Variants in CDC20B observed in about 807,000 individuals in gnomAD.
The protein encoded by CDC20B is cell division cycle protein 20 homolog B.
Under a neutral mutation model 64.1 loss-of-function variants are expected in CDC20B, and 58 were observed. The observed-to-expected ratio is 0.90, with a 90% CI of 0.73 to 1.13. The LOEUF is 1.13. Ranked by LOEUF, CDC20B falls within the 50% of genes most tolerant of loss-of-function variation. The pLI, the probability that CDC20B is intolerant of heterozygous loss-of-function variation, is 0.00. For synonymous variants in CDC20B, 243 were observed against 230.6 expected (o/e 1.05, Z -0.49); for missense variants, 597 against 633.0 (o/e 0.94, Z 0.61).
chr5:55,133,940 A>G (rs1743092024), intron 5 of CDC20B, among the ~76,000 whole-genome samples: 1 of 152,162 alleles, frequency 6.6e-6, no homozygotes, highest in Admixed American at 6.5e-5. Flanking sequence ...TTCATCAATA[A>G]ATATTTATTG....
chr5:55,137,578 G>A (rs1463740803), intron 5 of CDC20B: 3 of 456,574 alleles, frequency 6.6e-6, no homozygotes, highest in Admixed American at 4.7e-5. Flanking sequence ...CTCTCAATTA[G>A]TCTTTGCCAC....
At position 55,128,580 on chromosome 5, in the gene CDC20B, A is replaced by G. The variant is rs762756335; in HGVS notation, c.735T>C (p.Val245=). ...ATACAGCAGAGCCCAGGGCTATGGC[A>G]ACAAGATTCTGAAAACTCCAATCTA... The part of the protein sequence containing the change: ...NILDWSFQNL[V]AIALGSAVYI... The change falls in exon 7 of 12, where the codon GTT becomes GTC. Residue 245 remains valine, a synonymous_variant. Coordinates refer to ENST00000381375, the MANE Select transcript of CDC20B (RefSeq NM_001170402.1). 20 of 1,574,326 alleles carry G rather than the reference A, an allele frequency of 1.3e-5. No individual in the cohort carries two copies. Among genetic ancestry groups the G allele is most frequent in the Non-Finnish European group, 1.5e-5 (17 of 1,169,874 alleles).
chr5:55,172,925 G>A lies in CDC20B; in HGVS notation c.63+13C>T. The A allele has an allele frequency of 1.3e-6, 2 of 1,595,892 alleles. No individual in the cohort carries two copies. Among genetic ancestry groups the A allele is most frequent in the Non-Finnish European group, 1.7e-6 (2 of 1,170,750 alleles). Reference sequence around the variant, plus strand: ...AGAGAGTTAGGGAGAATGCAGAAAAGGGTGTTACTCACCCACAGCATCTCC... The same window carrying A: ...AGAGAGTTAGGGAGAATGCAGAAAAAGGTGTTACTCACCCACAGCATCTCC... On this transcript the variant is annotated intron_variant, in intron 1 of 11. Coordinates refer to ENST00000381375, the MANE Select transcript of CDC20B (RefSeq NM_001170402.1).
intron 5 of CDC20B, among the ~76,000 whole-genome samples, chr5:55,138,731 G>GT (rs1743250704): frequency 7.2e-6 from 1 of 138,678 alleles, no homozygotes; most frequent in Non-Finnish European, 1.6e-5. Context: ...ACAGGATGCT[G>GT]TAAAAAAAAA....
At chr5:55,154,903 C>A (rs1256165203) in intron 2 of CDC20B, among the ~76,000 whole-genome samples, 1 of 152,102 alleles carries the variant, frequency 6.6e-6, no homozygotes. Flanking sequence ...AAACGATATA[C>A]AGATATGGCA....
chr5:55,167,416 T>TA (rs1397601468), intron 2 of CDC20B, among the ~76,000 whole-genome samples: 1 of 152,206 alleles, frequency 6.6e-6, no homozygotes, highest in Non-Finnish European at 1.5e-5. Context: ...AGCATATATA[T>TA]AATGGTGGCT....
intron 10 of CDC20B, 100 bp downstream of exon 10, chr5:55,120,325 A>G (rs1742725523): frequency 2.2e-6 from 3 of 1,371,998 alleles, no homozygotes; most frequent in Non-Finnish European, 3.1e-6. Flanking sequence ...TGGACTCAAT[A>G]GAGAAAGAGA....
chr5:55,139,925 G>A (rs1041859228), intron 5 of CDC20B, among the ~76,000 whole-genome samples: 4 of 152,138 alleles, frequency 2.6e-5, no homozygotes, highest in Non-Finnish European at 5.9e-5. Flanking sequence ...TACTCAGGGA[G>A]CTGAGGCATG....
intron 6 of CDC20B, among the ~76,000 whole-genome samples, chr5:55,131,120 GAAAACCTCCCTC>G (rs1406415009): frequency 1.3e-5 from 2 of 151,960 alleles, no homozygotes; most frequent in East Asian, 1.9e-4. Flanking sequence ...GTGACAGAGT[GAAAACCTCCCTC>G]AAAACCTCCC....
intron 6 of CDC20B, among the ~76,000 whole-genome samples, chr5:55,130,659 G>T (rs1459299389): frequency 6.6e-6 from 1 of 152,202 alleles, no homozygotes; most frequent in Non-Finnish European, 1.5e-5. Flanking sequence ...TCAGGCTAAA[G>T]GGACAATATA....
chr5:55,143,931 G>A (rs1743401118), intron 3 of CDC20B, among the ~76,000 whole-genome samples: 3 of 151,424 alleles, frequency 2.0e-5, no homozygotes, highest in Non-Finnish European at 1.5e-5. Context: ...GGGAAGAGGT[G>A]CCAAGATTAA....
At chr5:55,162,934 A>G (rs899035926) in intron 2 of CDC20B, among the ~76,000 whole-genome samples, 1 of 152,148 alleles carries the variant, frequency 6.6e-6, no homozygotes, top group African/African-American at 2.4e-5. Context: ...CCGTATATCA[A>G]TCCTGGCTCA....
chr5:55,141,564 G>A (rs1022474995), intron 4 of CDC20B, among the ~76,000 whole-genome samples: 2 of 152,138 alleles, frequency 1.3e-5, no homozygotes, highest in African/African-American at 4.8e-5. Context: ...ACTGAGTCAC[G>A]AAGAATGTAA....
intron 7 of CDC20B, among the ~76,000 whole-genome samples, chr5:55,127,614 A>G (rs1178733330): frequency 6.6e-6 from 1 of 152,190 alleles, no homozygotes; most frequent in Non-Finnish European, 1.5e-5. Flanking sequence ...GGTGAATTCA[A>G]TGTGCAGCCA....
chr5:55,163,998 G>GA, intron 2 of CDC20B: 1 of 1,321,884 alleles, frequency 7.6e-7, no homozygotes, highest in Non-Finnish European at 1.0e-6. Flanking sequence ...TAATAGAAGT[G>GA]AAAATCTTGA....
chr5:55,170,416 T>C, intron 2 of CDC20B: 1 of 429,888 alleles, frequency 2.3e-6, no homozygotes, highest in South Asian at 1.7e-5. Flanking sequence ...TTGTAAGTAT[T>C]ACTGTATTAT....
At chr5:55,169,596 T>C (rs935910890) in intron 2 of CDC20B, among the ~76,000 whole-genome samples, 1 of 152,220 alleles carries the variant, frequency 6.6e-6, no homozygotes, top group African/African-American at 2.4e-5. Context: ...AAATATTTCA[T>C]GAACCTGTGA....
intron 2 of CDC20B, among the ~76,000 whole-genome samples, chr5:55,162,812 C>G (rs1361803783): frequency 1.3e-5 from 2 of 152,180 alleles, no homozygotes; most frequent in African/African-American, 2.4e-5. Flanking sequence ...TTCTAAAACC[C>G]TTCTTAGCCT....
chr5:55,164,506 A>G (rs1183065745), intron 2 of CDC20B: 1 of 199,330 alleles, frequency 5.0e-6, no homozygotes, highest in Non-Finnish European at 1.0e-5. Flanking sequence ...AACATGAAAT[A>G]TATTAACTAC....
Sources: allele counts gnomAD v4.1 joint callset (sites outside exome capture counted in the v4.1 genomes callset), GRCh38; gene constraint gnomAD v4.1.1; transcripts MANE v1.5; gene names NCBI Gene and HGNC (gene_info 2026-07-23, HGNC 2026-07-21).